HMCN1: variants seen among roughly 807,000 people sequenced by gnomAD.
HMCN1 encodes the protein hemicentin-1.
Under a neutral mutation model 625.9 loss-of-function variants are expected in HMCN1, and 321 were observed. That is an observed-to-expected ratio of 0.51 (90% CI 0.47 to 0.56). The LOEUF (loss-of-function observed/expected upper bound fraction) is 0.56, where lower values mean the gene tolerates loss of function less well. HMCN1 is among the 20% of genes least tolerant of loss of function. The probability of loss-of-function intolerance (pLI) is 0.00; values close to 1 mark genes in which losing one functional copy is unlikely to be tolerated. For missense variants in HMCN1, 6,588 were observed against 6,887.3 expected (o/e 0.96, Z 1.54); for synonymous variants, 2,425 against 2,417.6 (o/e 1.00, Z -0.09).
intron 16 of HMCN1, among the ~76,000 whole-genome samples, chr1:185,980,683 C>G (rs958356440): frequency 6.6e-6 from 1 of 152,140 alleles, no homozygotes; most frequent in Non-Finnish European, 1.5e-5. Context: ...CCTTTGTAAC[C>G]GATTAGAACT....
chr1:185,942,082 T>G (rs1052945453), intron 11 of HMCN1, among the ~76,000 whole-genome samples: 5 of 150,674 alleles, frequency 3.3e-5, no homozygotes, highest in Non-Finnish European at 7.4e-5. Context: ...TCCCAGCTAC[T>G]CGGGAGGATG....
intron 103 of HMCN1, among the ~76,000 whole-genome samples, chr1:186,175,915 GAAAGA>G (rs997743192): frequency 1.5e-5 from 2 of 137,904 alleles, no homozygotes; most frequent in Admixed American, 7.1e-5. Context: ...AGAAAAGAAA[GAAAGA>G]AAAGAGTTAA....
chr1:185,806,527 A>G (rs1449070986), intron 1 of HMCN1, among the ~76,000 whole-genome samples: 1 of 140,956 alleles, frequency 7.1e-6, no homozygotes, highest in Non-Finnish European at 1.5e-5. Context: ...AGCCTGGGCA[A>G]CAGAGTAAGA....
chr1:186,151,104 G>T (rs1650633732), intron 93 of HMCN1, 96 bp from the exon 94 acceptor site: 1 of 1,222,976 alleles, frequency 8.2e-7, no homozygotes, highest in Non-Finnish European at 1.2e-6. Flanking sequence ...TTTGAGAAAA[G>T]ATTTGTAGCA....
rs147746177 is a variant in HMCN1 at position 186,146,187 on chromosome 1, T to C, written c.14608+264T>C. ...AAGGGTGAGGCAGAGTGGGGAAAAATGGGCTGAGACTCCAGACTGAAGGTA... is the reference window on the plus strand; with the variant it reads ...AAGGGTGAGGCAGAGTGGGGAAAAACGGGCTGAGACTCCAGACTGAAGGTA... On this transcript the variant is annotated intron_variant, in intron 93 of 106. Coordinates refer to ENST00000271588, the MANE Select transcript of HMCN1 (RefSeq NM_031935.3). Among the ~76,000 whole-genome samples, 882 of 152,018 alleles carry C rather than the reference T, an allele frequency of 5.8e-3. 10 individuals carry two copies. The highest frequency in any genetic ancestry group is 0.02 in the African/African-American group (816 of 41,440).
chr1:185,864,063 G>T (rs1379143422), intron 2 of HMCN1, among the ~76,000 whole-genome samples: 1 of 152,150 alleles, frequency 6.6e-6, no homozygotes, highest in African/African-American at 2.4e-5. Flanking sequence ...CTGCAGATGG[G>T]TTAACAGGTA....
At chr1:185,915,968 G>C (rs1208210991) in intron 6 of HMCN1, among the ~76,000 whole-genome samples, 1 of 151,980 alleles carries the variant, frequency 6.6e-6, no homozygotes, top group Non-Finnish European at 1.5e-5. Context: ...ATATCGGACT[G>C]TCAACCAAAT....
Position 186,007,275 on chromosome 1 carries a change from T to C in HMCN1, c.4623T>C (p.Thr1541=), listed in dbSNP as rs1653704456. ...AGKQAKDIKL[T]IYIPPSIKGG... ...AACAAGCCAAGGATATAAAACTGAC[T>C]ATCTATAGTAAGTGCGATTGTCTTA... The change falls in exon 30 of 107, where the codon ACT becomes ACC. Residue 1541 remains threonine (T), a synonymous_variant. Transcript: ENST00000271588. The C allele has an allele frequency of 1.2e-6, 2 of 1,613,490 alleles. No individual in the cohort carries two copies. Among genetic ancestry groups the C allele is most frequent in the Non-Finnish European group, 8.5e-7 (1 of 1,179,540 alleles).
At chr1:185,979,717 C>T (rs1255193723) in intron 16 of HMCN1, among the ~76,000 whole-genome samples, 1 of 152,152 alleles carries the variant, frequency 6.6e-6, no homozygotes, top group Non-Finnish European at 1.5e-5. Flanking sequence ...TGCAGTTCTA[C>T]AATTAGATGC....
chr1:186,061,749 C>T (rs1265848902), intron 46 of HMCN1, 102 bp from the exon 47 acceptor site: 21 of 691,290 alleles, frequency 3.0e-5, no homozygotes, highest in Non-Finnish European at 5.3e-5. Context: ...GCCTCTAAAG[C>T]ATACTGATTA....
intron 55 of HMCN1, among the ~76,000 whole-genome samples, chr1:186,079,403 C>G (rs1017249933): frequency 6.6e-6 from 1 of 152,216 alleles, no homozygotes; most frequent in Non-Finnish European, 1.5e-5. Flanking sequence ...CAAGCCATGT[C>G]AAGCCATGCT....
intron 1 of HMCN1, among the ~76,000 whole-genome samples, chr1:185,751,704 T>G (rs1002134775): frequency 6.6e-6 from 1 of 152,136 alleles, no homozygotes; most frequent in African/African-American, 2.4e-5. Context: ...TTTGCTGCAT[T>G]TTGGGTGATT....
chr1:185,794,500 AG>A (rs1658228305), intron 1 of HMCN1, among the ~76,000 whole-genome samples: 1 of 149,836 alleles, frequency 6.7e-6, no homozygotes, highest in Admixed American at 6.6e-5. Context: ...AGAAAAAAAA[AG>A]AAAAAAAAGA....
chr1:186,173,628 G>A (rs1213062132), intron 102 of HMCN1, among the ~76,000 whole-genome samples: 6 of 119,838 alleles, frequency 5.0e-5, no homozygotes, highest in East Asian at 2.2e-4. Flanking sequence ...GTGACAGAGC[G>A]AGACTCCATC....
chr1:186,110,998 T>TTTTTTTTTTTTTTTA (rs1428925478), intron 71 of HMCN1, among the ~76,000 whole-genome samples: 2 of 134,750 alleles, frequency 1.5e-5, no homozygotes, highest in Admixed American at 7.6e-5. Context: ...TTTTTTTTTT[T>TTTTTTTTTTTTTTTA]GAGACGGAGT....
At chr1:185,740,488 A>G (rs1653909875) in intron 1 of HMCN1, among the ~76,000 whole-genome samples, 1 of 152,100 alleles carries the variant, frequency 6.6e-6, no homozygotes, top group African/African-American at 2.4e-5. Flanking sequence ...GACTGATGCT[A>G]TGGTTTGGAT....
chr1:186,108,193 C>G (rs1195131739), intron 70 of HMCN1, among the ~76,000 whole-genome samples: 1 of 151,962 alleles, frequency 6.6e-6, no homozygotes, highest in African/African-American at 2.4e-5. Flanking sequence ...GCCTCCATTT[C>G]TTTACTATCA....
chr1:185,736,623 T>C (rs1340491627), intron 1 of HMCN1, among the ~76,000 whole-genome samples: 3 of 152,232 alleles, frequency 2.0e-5, no homozygotes, highest in Non-Finnish European at 4.4e-5. Context: ...AAAAATTGCC[T>C]CAAGTTATAC....
At chr1:186,167,068 A>G in intron 100 of HMCN1, 126 bp downstream of exon 100, 1 of 1,207,426 alleles carries the variant, frequency 8.3e-7, no homozygotes, top group South Asian at 1.3e-5. Context: ...GGAGAGAATG[A>G]GGAGATATCC....
Sources: allele counts gnomAD v4.1 joint callset (sites outside exome capture counted in the v4.1 genomes callset), GRCh38; gene constraint gnomAD v4.1.1; transcripts MANE v1.5; gene names NCBI Gene and HGNC (gene_info 2026-07-23, HGNC 2026-07-21).